Variants in INSR observed in about 807,000 individuals in gnomAD.
INSR encodes the protein insulin receptor.
A neutral mutation model predicts 142.6 loss-of-function variants in INSR; 67 were observed. The observed-to-expected ratio is 0.47, with a 90% CI of 0.39 to 0.58. The LOEUF (loss-of-function observed/expected upper bound fraction) is 0.58. INSR is among the 20% of genes least tolerant of loss of function. The pLI is 0.00. For missense variants in INSR, 1,248 were observed against 1,833.2 expected, an observed-to-expected ratio of 0.68 and a Z score of 5.83; for synonymous variants, 756 against 743.1, an observed-to-expected ratio of 1.02 and a Z score of -0.28.
chr19:7,289,999 G>A (rs1410612255), intron 1 of INSR, among the ~76,000 whole-genome samples: 1 of 152,216 alleles, frequency 6.6e-6, no homozygotes, highest in African/African-American at 2.4e-5. Context: ...GAAGTCAAGG[G>A]TAGAGTGGGG....
At chr19:7,154,169 A>G (rs1295308137) in intron 9 of INSR, among the ~76,000 whole-genome samples, 1 of 151,424 alleles carries the variant, frequency 6.6e-6, no homozygotes, top group African/African-American at 2.4e-5. Flanking sequence ...TCAAAAAAAT[A>G]ATAAATAAAT....
At chr19:7,165,014 C>A (rs1364126167) in intron 8 of INSR, among the ~76,000 whole-genome samples, 2 of 151,652 alleles carry the variant, frequency 1.3e-5, no homozygotes, top group Non-Finnish European at 2.9e-5. Context: ...GTAGTTGCAG[C>A]TACTTGGGAG....
chr19:7,143,118 G>A (rs780790113), intron 11 of INSR, 28 bp from the exon 12 acceptor site: 11 of 1,613,028 alleles, frequency 6.8e-6, no homozygotes, highest in Non-Finnish European at 9.3e-6. Flanking sequence ...CATGTATGAT[G>A]ACACCATCAC....
chr19:7,205,198 T>TA (rs1396371914), intron 2 of INSR, among the ~76,000 whole-genome samples: 1 of 152,200 alleles, frequency 6.6e-6, no homozygotes, highest in African/African-American at 2.4e-5. Context: ...GAGCTCCAGA[T>TA]ACAAGCTAAT....
chr19:7,263,879 C>T (rs1487107431), intron 2 of INSR, among the ~76,000 whole-genome samples: 1 of 151,916 alleles, frequency 6.6e-6, no homozygotes, highest in East Asian at 1.9e-4. Context: ...CAAAACTTAG[C>T]TAGGTGTTGG....
At chr19:7,254,679 T>C (rs536271291) in intron 2 of INSR, among the ~76,000 whole-genome samples, 1 of 152,260 alleles carries the variant, frequency 6.6e-6, no homozygotes, top group Non-Finnish European at 1.5e-5. Context: ...ACAGGCGCAT[T>C]GAGAGAAACA....
chr19:7,169,175 G>C (rs1010716770), intron 6 of INSR, among the ~76,000 whole-genome samples: 10 of 152,080 alleles, frequency 6.6e-5, no homozygotes, highest in Non-Finnish European at 1.0e-4. Flanking sequence ...TTCTGGGTTT[G>C]GCCAAGACTC....
chr19:7,118,416 C>G (rs1972392271), intron 21 of INSR, among the ~76,000 whole-genome samples: 1 of 151,938 alleles, frequency 6.6e-6, no homozygotes, highest in South Asian at 2.1e-4. Flanking sequence ...CTCCCCGATT[C>G]AAGCAATTCT....
chr19:7,276,906 T>C (rs1240627670), intron 1 of INSR, among the ~76,000 whole-genome samples: 4 of 152,074 alleles, frequency 2.6e-5, no homozygotes, highest in Non-Finnish European at 5.9e-5. Flanking sequence ...AATTTTTGTA[T>C]TTTTAGTAGA....
intron 9 of INSR, among the ~76,000 whole-genome samples, chr19:7,154,209 C>G (rs946278075): frequency 6.6e-6 from 1 of 150,472 alleles, no homozygotes; most frequent in Non-Finnish European, 1.5e-5. Flanking sequence ...AGAGTGTCAT[C>G]TGAGAAGTGC....
intron 2 of INSR, among the ~76,000 whole-genome samples, chr19:7,233,570 T>G (rs1211905096): frequency 6.6e-6 from 1 of 151,600 alleles, no homozygotes; most frequent in Non-Finnish European, 1.5e-5. Context: ...GCTGTCCTGC[T>G]ACCCTGCACA....
chr19:7,197,516 G>GTGGGTGTGTGTGTGTGT (rs1568480264), intron 2 of INSR, among the ~76,000 whole-genome samples: 2 of 70,856 alleles, frequency 2.8e-5, no homozygotes, highest in African/African-American at 6.1e-5. Flanking sequence ...TGGGAGTGGG[G>GTGGGTGTGTGTGTGTGT]GTGTGTGTGT....
At chr19:7,134,432 C>T (rs922580950) in intron 13 of INSR, among the ~76,000 whole-genome samples, 3 of 145,674 alleles carry the variant, frequency 2.1e-5, no homozygotes, top group African/African-American at 7.8e-5. Flanking sequence ...CTTTCTTTGC[C>T]ACGGTGCTGC....
intron 11 of INSR, among the ~76,000 whole-genome samples, chr19:7,147,502 G>T (rs115043703): frequency 0.011 from 1,675 of 152,218 alleles, 29 homozygotes; most frequent in African/African-American, 0.038. Context: ...TAACCACCAA[G>T]AAGTGAAGTT....
intron 1 of INSR, among the ~76,000 whole-genome samples, chr19:7,287,187 T>G: frequency 7.2e-6 from 1 of 138,780 alleles, no homozygotes; most frequent in South Asian, 2.3e-4. Flanking sequence ...TGAGATGGAG[T>G]TTCGCTCTGT....
At chr19:7,176,870 T>A (rs1317470098) in intron 3 of INSR, among the ~76,000 whole-genome samples, 1 of 152,084 alleles carries the variant, frequency 6.6e-6, no homozygotes, top group East Asian at 1.9e-4. Context: ...GCCGTTACCT[T>A]GAGATGATGG....
chr19:7,290,863 A>G (rs996222263), intron 1 of INSR, among the ~76,000 whole-genome samples: 5 of 151,832 alleles, frequency 3.3e-5, no homozygotes, highest in Non-Finnish European at 5.9e-5. Flanking sequence ...CAAGATCAGG[A>G]GGTCGAGACC....
At chr19:7,213,879 C>T (rs773370299) in intron 2 of INSR, among the ~76,000 whole-genome samples, 2 of 151,790 alleles carry the variant, frequency 1.3e-5, no homozygotes, top group African/African-American at 4.8e-5. Flanking sequence ...ATCTCAGCTA[C>T]GCGGGAGGGC....
intron 13 of INSR, among the ~76,000 whole-genome samples, chr19:7,134,904 C>T (rs1430750208): frequency 1.3e-5 from 2 of 151,802 alleles, no homozygotes; most frequent in African/African-American, 4.8e-5. Context: ...AAGCACGTAA[C>T]TAGAGATAAT....
Sources: allele counts gnomAD v4.1 joint callset (sites outside exome capture counted in the v4.1 genomes callset), GRCh38; gene constraint gnomAD v4.1.1; transcripts MANE v1.5; gene names NCBI Gene and HGNC (gene_info 2026-07-23, HGNC 2026-07-21).